Variants in IGSF6 observed in about 807,000 individuals in gnomAD.
The protein encoded by IGSF6 is down-regulated by activation (immunoglobulin superfamily).
A neutral mutation model predicts 24.7 loss-of-function variants in IGSF6; 23 were observed. That is an observed-to-expected ratio of 0.93 (90% CI 0.67 to 1.32). The LOEUF (loss-of-function observed/expected upper bound fraction) is 1.32, where lower values mean the gene tolerates loss of function less well. Ranked by LOEUF, IGSF6 falls within the 40% of genes most tolerant of loss-of-function variation. The pLI, the probability that IGSF6 is intolerant of heterozygous loss-of-function variation, is 0.00. For synonymous variants in IGSF6, 110 were observed against 113.7 expected, an observed-to-expected ratio of 0.97 and a Z score of 0.21; for missense variants, 295 against 293.6, an observed-to-expected ratio of 1.00 and a Z score of -0.04.
At chr16:21,646,924 G>T (rs1398337462) in intron 2 of IGSF6, 4 of 609,176 alleles carry the variant, frequency 6.6e-6, no homozygotes, top group Non-Finnish European at 1.2e-5. Context: ...AAAGTGCTGG[G>T]ATTACAGGTG....
chr16:21,641,747 C>T (rs1340149973), intron 5 of IGSF6, among the ~76,000 whole-genome samples, 154 bp from the exon 6 acceptor site: 2 of 152,060 alleles, frequency 1.3e-5, no homozygotes, highest in Non-Finnish European at 2.9e-5. Flanking sequence ...TTTCCCCATC[C>T]GTATTTAGAG....
At chr16:21,644,934 C>T (rs1007790953) in intron 2 of IGSF6, among the ~76,000 whole-genome samples, 6 of 152,230 alleles carry the variant, frequency 3.9e-5, no homozygotes, top group Non-Finnish European at 8.8e-5. Context: ...GAAAGACAGG[C>T]ACTTTTGCCA....
chr16:21,640,828 G>A lies in IGSF6; in HGVS notation c.*706C>T, dbSNP rs1357900314. On this transcript the variant is annotated 3_prime_UTR_variant, in exon 6 of 6. Transcript: ENST00000268389. ...TTACAAACGTGCTTGTAAAGTAGAT[G>A]TGTTGCCCACATCTTCCCTGGTGCT... is the stretch of plus-strand genomic sequence containing the variant. The A allele has an allele frequency of 1.3e-5, 2 of 151,360 alleles. No homozygotes were observed. Among genetic ancestry groups the A allele is most frequent in the South Asian group, 2.1e-4 (1 of 4,784 alleles). The allele number at this position is 151,360 out of a possible 1,614,324, so 9.4% of individuals were successfully genotyped here.
At chr16:21,651,588 A>C (rs1966577340) in intron 1 of IGSF6, among the ~76,000 whole-genome samples, 1 of 152,142 alleles carries the variant, frequency 6.6e-6, no homozygotes. Flanking sequence ...GGCATGAACC[A>C]CCACGCCCAG....
At chr16:21,651,761 T>A (rs1353396511) in intron 1 of IGSF6, 2 of 152,090 alleles carry the variant, frequency 1.3e-5, no homozygotes, top group Non-Finnish European at 2.9e-5. Flanking sequence ...TCCCAGCCAT[T>A]TTATCTGCAT....
At chr16:21,650,272 C>T (rs916251651) in intron 1 of IGSF6, among the ~76,000 whole-genome samples, 6 of 152,064 alleles carry the variant, frequency 3.9e-5, no homozygotes, top group East Asian at 3.9e-4. Flanking sequence ...TTTGGGATGC[C>T]GAGGCGGGCA....
At chr16:21,641,932 C>T in intron 5 of IGSF6, 1 of 178,050 alleles carries the variant, frequency 5.6e-6, no homozygotes, top group Non-Finnish European at 1.2e-5. Context: ...AATTACTCAG[C>T]ATGGCATCTT....
At position 21,643,609 on chromosome 16, in the gene IGSF6, G is replaced by T. The variant is rs778074651; in HGVS notation, c.535-11C>A. ...AGGGTTGGATTTTGACTGCCAAGAA[G>T]AGAAGGAAAGTCTATGAAACATTTT... On this transcript the variant is annotated splice_polypyrimidine_tract_variant and intron_variant, in intron 3 of 5. Coordinates refer to ENST00000268389, the MANE Select transcript of IGSF6 (RefSeq NM_005849.4). 5 of 1,589,160 alleles carry T rather than the reference G, an allele frequency of 3.1e-6. No individual in the cohort carries two copies. The African/African-American group carries it at 6.7e-5, about 21-fold the overall frequency.
chr16:21,648,603 C>G (rs138009272), intron 1 of IGSF6, among the ~76,000 whole-genome samples: 1,597 of 152,322 alleles, frequency 0.01, 11 homozygotes, highest in Non-Finnish European at 0.017. Flanking sequence ...TTGAGTCCCC[C>G]ACCTTGGCCT....
In IGSF6 at chr16:21,641,582, G is replaced by T; in HGVS notation, c.678C>A (p.Asn226Lys). The T allele has an allele frequency of 6.3e-7, 1 of 1,578,774 alleles. No individual in the cohort carries two copies. The highest frequency in any genetic ancestry group is 8.7e-7 in the Non-Finnish European group (1 of 1,151,080). Reference protein sequence around the residue: ...VETNQQSEKDNNTYENRRVLS... With the variant: ...VETNQQSEKDKNTYENRRVLS... ...GTACTCTTCTGTTTTCATAAGTGTTGTTATCTTTCTCCTGCAATAATAAAT... is the reference window on the plus strand; with the variant it reads ...GTACTCTTCTGTTTTCATAAGTGTTTTTATCTTTCTCCTGCAATAATAAAT... The change falls in exon 6 of 6, where the codon AAC (asparagine) becomes AAA (lysine). Residue 226 changes from asparagine to lysine, a missense_variant. Physicochemically the swap from Asn to Lys is moderately conservative, Grantham distance 94 (BLOSUM62 0). Coordinates refer to ENST00000268389, the MANE Select transcript of IGSF6 (RefSeq NM_005849.4).
Position 21,647,386 on chromosome 16 carries a change from G to A in IGSF6, c.174C>T (p.Cys58=). The change falls in exon 2 of 6, where the codon TGC becomes TGT. Residue 58 remains cysteine, a synonymous_variant. Transcript: ENST00000268389. ...TIKCTFSATG[C]PSEQPTCLWF... ...ACAGGCATGTTGGTTGCTCAGAAGGGCATCCGGTTGCGGAGAAGGTACACT... is the reference window on the plus strand; with the variant it reads ...ACAGGCATGTTGGTTGCTCAGAAGGACATCCGGTTGCGGAGAAGGTACACT... The A allele has an allele frequency of 6.2e-7, 1 of 1,614,092 alleles. No homozygotes were observed. Among genetic ancestry groups the A allele is most frequent in the African/African-American group, 1.3e-5 (1 of 75,010 alleles).
At chr16:21,642,853 A>G (rs752923084) in intron 5 of IGSF6, among the ~76,000 whole-genome samples, 122 of 152,324 alleles carry the variant, frequency 8.0e-4, no homozygotes, top group Non-Finnish European at 1.1e-3. Flanking sequence ...GAAAGTTTCC[A>G]TGTCACTAAG....
chr16:21,640,760 CTG>C lies in IGSF6; in HGVS notation c.*772_*773del, dbSNP rs1396386550. 1 of 130,244 alleles carries C rather than the reference CTG, an allele frequency of 7.7e-6. No homozygotes were observed. The highest frequency in any genetic ancestry group is 3.1e-5 in the African/African-American group (1 of 32,496). The allele number at this position is 130,244 out of a possible 1,614,324, so 8.1% of individuals were successfully genotyped here. ...CCACCCTGGGCAACAGAACGAGACT[CTG>C]TCTCAAAAAAAAAAAAAAAAGAAAA... is the stretch of plus-strand genomic sequence containing the variant. On this transcript the variant is annotated 3_prime_UTR_variant, in exon 6 of 6. Coordinates refer to ENST00000268389, the MANE Select transcript of IGSF6 (RefSeq NM_005849.4).
rs542938944 is a variant in IGSF6, at chr16:21,644,231, T to C, written c.534+59A>G. 445 of 1,210,202 alleles carry C rather than the reference T, an allele frequency of 3.7e-4. 4 individuals carry two copies. In the South Asian group the frequency reaches 5.2e-3, roughly 14 times the overall value. 75.0% of individuals were successfully genotyped at this position (1,210,202 alleles called of 1,614,324 possible). Reference sequence around the variant, plus strand: ...TAACTTGTGGAGAGATAGAAATTATTTTTCTTTTGATAATATTCAAGGATA... The same window carrying C: ...TAACTTGTGGAGAGATAGAAATTATCTTTCTTTTGATAATATTCAAGGATA... On this transcript the variant is annotated intron_variant, in intron 3 of 5. Coordinates refer to ENST00000268389, the MANE Select transcript of IGSF6 (RefSeq NM_005849.4).
intron 1 of IGSF6, among the ~76,000 whole-genome samples, chr16:21,648,271 C>T (rs1191431260): frequency 1.3e-5 from 2 of 152,220 alleles, no homozygotes; most frequent in East Asian, 3.9e-4. Context: ...GAGTTCAAAT[C>T]CTAGCTCTGC....
At chr16:21,650,284 A>C (rs1274379435) in intron 1 of IGSF6, among the ~76,000 whole-genome samples, 2 of 152,206 alleles carry the variant, frequency 1.3e-5, no homozygotes, top group Non-Finnish European at 2.9e-5. Context: ...AGGCGGGCAG[A>C]TCACCTGAGG....
At chr16:21,648,458 T>C (rs1966483806) in intron 1 of IGSF6, among the ~76,000 whole-genome samples, 1 of 151,102 alleles carries the variant, frequency 6.6e-6, no homozygotes, top group African/African-American at 2.5e-5. Flanking sequence ...CCGCCACTGC[T>C]ACTGTTCCCA....
intron 5 of IGSF6, among the ~76,000 whole-genome samples, chr16:21,641,805 C>T (rs1033429716): frequency 1.3e-5 from 2 of 151,884 alleles, no homozygotes; most frequent in East Asian, 3.9e-4. Flanking sequence ...TTGGATGCTA[C>T]TGTCAAAATC....
chr16:21,642,565 A>G (rs1028249963), intron 5 of IGSF6, among the ~76,000 whole-genome samples: 3 of 152,228 alleles, frequency 2.0e-5, no homozygotes, highest in Non-Finnish European at 4.4e-5. Flanking sequence ...TACTTTCAGG[A>G]TGTATTATAG....
Sources: allele counts gnomAD v4.1 joint callset (sites outside exome capture counted in the v4.1 genomes callset), GRCh38; gene constraint gnomAD v4.1.1; transcripts MANE v1.5; gene names NCBI Gene and HGNC (gene_info 2026-07-23, HGNC 2026-07-21).